The following RPS6KA2 variants were observed in gnomAD, a reference collection of about 807,000 sequenced individuals.
RPS6KA2 encodes ribosomal protein S6 kinase A2.
RPS6KA2 carries 42 observed loss-of-function variants against 91.8 expected under a neutral mutation model. The observed-to-expected ratio is 0.46, with a 90% confidence interval of 0.36 to 0.59. RPS6KA2 has a LOEUF of 0.59. Among genes scored for constraint, RPS6KA2 ranks in the 20% least tolerant of loss-of-function variants. RPS6KA2 has a pLI of 0.00. For synonymous variants in RPS6KA2, 414 were observed against 393.6 expected (o/e 1.05, Z -0.61); for missense variants, 798 against 978.5 (o/e 0.82, Z 2.46).
chr6:166,491,097 C>A (rs939676777), intron 8 of RPS6KA2, among the ~76,000 whole-genome samples: 6 of 152,162 alleles, frequency 3.9e-5, no homozygotes, highest in African/African-American at 1.4e-4. Flanking sequence ...CCTGCCCTGG[C>A]AGGTGTTGTG....
intron 2 of RPS6KA2, among the ~76,000 whole-genome samples, chr6:166,755,186 T>C (rs967300847): frequency 6.6e-6 from 1 of 152,194 alleles, no homozygotes; most frequent in African/African-American, 2.4e-5. Context: ...TGGCCTCAGA[T>C]GGCCCCTGGG....
At chr6:166,643,676 C>T (rs1396680027) in intron 2 of RPS6KA2, among the ~76,000 whole-genome samples, 1 of 152,194 alleles carries the variant, frequency 6.6e-6, no homozygotes, top group Non-Finnish European at 1.5e-5. Context: ...CTCATCTGGA[C>T]GATGTGGTAC....
chr6:166,752,868 C>T (rs1448669870), intron 2 of RPS6KA2, among the ~76,000 whole-genome samples: 1 of 152,078 alleles, frequency 6.6e-6, no homozygotes, highest in Non-Finnish European at 1.5e-5. Flanking sequence ...GTGGCCCACT[C>T]CCTAACCACT....
intron 1 of RPS6KA2, among the ~76,000 whole-genome samples, chr6:166,619,224 C>T (rs1470675282): frequency 6.6e-6 from 1 of 152,216 alleles, no homozygotes; most frequent in East Asian, 1.9e-4. Context: ...CAACCTCATG[C>T]TGTGTCTCGG....
intron 2 of RPS6KA2, among the ~76,000 whole-genome samples, chr6:166,835,257 A>G (rs1780288782): frequency 6.6e-6 from 1 of 152,168 alleles, no homozygotes; most frequent in Non-Finnish European, 1.5e-5. Flanking sequence ...TTCTTTCGCA[A>G]AGTTCTTTGG....
intron 3 of RPS6KA2, among the ~76,000 whole-genome samples, chr6:166,515,060 T>C (rs1186252905): frequency 6.6e-6 from 1 of 152,040 alleles, no homozygotes; most frequent in Non-Finnish European, 1.5e-5. Flanking sequence ...GGAGGATATG[T>C]AGGATGAGAG....
intron 2 of RPS6KA2, among the ~76,000 whole-genome samples, chr6:166,710,111 A>G (rs777724425): frequency 1.9e-4 from 29 of 152,180 alleles, no homozygotes; most frequent in Admixed American, 7.9e-4. Context: ...TTTTTTCCCT[A>G]TCCTTACAAA....
chr6:166,592,509 C>T (rs1785386858), intron 1 of RPS6KA2, among the ~76,000 whole-genome samples: 1 of 152,162 alleles, frequency 6.6e-6, no homozygotes, highest in Non-Finnish European at 1.5e-5. Context: ...GAATGTGAAC[C>T]CAGAAGCCCA....
rs1336525298 is a variant in RPS6KA2, at chr6:166,748,629, CAGGCCCCCATCCCCTT to C, written c.123+109555_123+109570del. ...CCATTTCCCTGGGCCCCCACCTCCT[CAGGCCCCCATCCCCTT>C]GGGCCCCCACCTCCTCAGGCCCCCA... On this transcript the variant is annotated intron_variant, in intron 2 of 21. Coordinates refer to the RPS6KA2 transcript ENST00000503859. 5.4e-4 allele frequency among the ~76,000 whole-genome samples: 36 copies of C among 66,852 alleles called. 1 individual carries two copies. The highest frequency in any genetic ancestry group is 4.3e-3 in the East Asian group (9 of 2,096). The allele number at this position is 66,852 out of a possible 152,430, so 43.9% of individuals were successfully genotyped here.
At chr6:166,752,608 A>G (rs1406807860) in intron 2 of RPS6KA2, among the ~76,000 whole-genome samples, 1 of 152,228 alleles carries the variant, frequency 6.6e-6, no homozygotes, top group African/African-American at 2.4e-5. Context: ...GAAAAGGATG[A>G]TTCTTGGTGT....
At chr6:166,615,328 C>T (rs1046600149) in intron 1 of RPS6KA2, among the ~76,000 whole-genome samples, 21 of 152,222 alleles carry the variant, frequency 1.4e-4, no homozygotes, top group South Asian at 4.1e-4. Flanking sequence ...TTCCAGCCAC[C>T]GTGGACTCCC....
chr6:166,519,370 G>A (rs1782769207), intron 3 of RPS6KA2, among the ~76,000 whole-genome samples: 1 of 152,224 alleles, frequency 6.6e-6, no homozygotes. Flanking sequence ...AAGAATAAAT[G>A]TTCTCGGCTA....
chr6:166,562,948 G>A (rs111469143), intron 1 of RPS6KA2, among the ~76,000 whole-genome samples: 120 of 152,346 alleles, frequency 7.9e-4, no homozygotes, highest in Non-Finnish European at 1.5e-3. Flanking sequence ...AGGGGTACAA[G>A]GACAGGCGCC....
intron 2 of RPS6KA2, among the ~76,000 whole-genome samples, chr6:166,815,526 T>C (rs1779739360): frequency 6.6e-6 from 1 of 150,644 alleles, no homozygotes; most frequent in Non-Finnish European, 1.5e-5. Context: ...CAAAATCATA[T>C]CATCTGGCCT....
At chr6:166,752,313 C>T (rs907339744) in intron 2 of RPS6KA2, among the ~76,000 whole-genome samples, 2 of 152,118 alleles carry the variant, frequency 1.3e-5, no homozygotes, top group Non-Finnish European at 2.9e-5. Context: ...CCACAGTCAC[C>T]GCAGAGCAAG....
chr6:166,501,340 G>C (rs1001724542), intron 6 of RPS6KA2, among the ~76,000 whole-genome samples: 2 of 152,190 alleles, frequency 1.3e-5, no homozygotes, highest in Non-Finnish European at 1.5e-5. Flanking sequence ...GGATGCCCTT[G>C]ATGTCCAAAG....
intron 1 of RPS6KA2, among the ~76,000 whole-genome samples, chr6:166,545,567 C>CT (rs537156470): frequency 2.6e-5 from 4 of 152,090 alleles, no homozygotes; most frequent in Admixed American, 6.5e-5. Context: ...CATTTCTCTC[C>CT]TTTTTTTTCT....
intron 2 of RPS6KA2, among the ~76,000 whole-genome samples, chr6:166,685,874 C>T (rs1026759385): frequency 2.6e-5 from 4 of 152,180 alleles, no homozygotes; most frequent in African/African-American, 9.7e-5. Context: ...TACATCACTG[C>T]TTTTAACTCC....
In RPS6KA2 at chr6:166,431,652, A is replaced by T. The variant is rs190869713; in HGVS notation, c.1422+749T>A. Among the ~76,000 whole-genome samples, 383 of 152,238 alleles carry T rather than the reference A, an allele frequency of 2.5e-3. 1 individual carries two copies. The highest frequency in any genetic ancestry group is 3.8e-3 in the Non-Finnish European group (259 of 68,008). On this transcript the variant is annotated intron_variant, in intron 15 of 20. Coordinates refer to ENST00000265678, the MANE Select transcript of RPS6KA2 (RefSeq NM_021135.6). ...GATTTTTTGAGATGGAGTCTCTCTC[A>T]GTTGCCCAGGCTGGAGTGCAATGGT...
Sources: allele counts gnomAD v4.1 joint callset (sites outside exome capture counted in the v4.1 genomes callset), GRCh38; gene constraint gnomAD v4.1.1; transcripts MANE v1.5; gene names NCBI Gene and HGNC (gene_info 2026-07-23, HGNC 2026-07-21).